Variants in PRMT8 observed in about 807,000 individuals in gnomAD.
PRMT8 encodes protein arginine methyltransferase 8, also known as protein arginine N-methyltransferase 8.
PRMT8 carries 7 observed loss-of-function variants against 47.1 expected under a neutral mutation model. The ratio of observed to expected loss-of-function variants is 0.15; its 90% CI spans 0.08 to 0.28. The LOEUF (loss-of-function observed/expected upper bound fraction) is 0.28, where lower values mean the gene tolerates loss of function less well. PRMT8 is among the 10% of genes least tolerant of loss of function. PRMT8 has a pLI of 1.00. For synonymous variants in PRMT8, 188 were observed against 186.5 expected, an observed-to-expected ratio of 1.01 and a Z score of -0.07; for missense variants, 237 against 505.4, an observed-to-expected ratio of 0.47 and a Z score of 5.09.
At chr12:3,381,442 T>C in exon 1 of PRMT8, 2 of 1,536,126 alleles carry the variant, frequency 1.3e-6, no homozygotes, top group Non-Finnish European at 1.7e-6. Context: ...AGGTTTCTTC[T>C]GTAAGTCAGC....
At chr12:3,418,648 C>T (rs1864507821) in intron 1 of PRMT8, among the ~76,000 whole-genome samples, 1 of 152,206 alleles carries the variant, frequency 6.6e-6, no homozygotes, top group African/African-American at 2.4e-5. Flanking sequence ...TAGTTGTCAA[C>T]TTTGACTCTA....
chr12:3,471,537 C>T (rs1865162407), intron 1 of PRMT8, among the ~76,000 whole-genome samples: 1 of 151,776 alleles, frequency 6.6e-6, no homozygotes, highest in South Asian at 2.1e-4. Context: ...CCCCATCTTC[C>T]CAGCACGATG....
intron 4 of PRMT8, among the ~76,000 whole-genome samples, chr12:3,554,101 C>T (rs1474951957): frequency 3.3e-5 from 5 of 152,206 alleles, no homozygotes; most frequent in Non-Finnish European, 7.3e-5. Flanking sequence ...ACCACCTGCC[C>T]AGGGGCATCA....
chr12:3,561,293 CG>C (rs532193430), intron 4 of PRMT8, among the ~76,000 whole-genome samples: 58 of 152,320 alleles, frequency 3.8e-4, no homozygotes, highest in African/African-American at 1.4e-3. Flanking sequence ...TGCCTGCCAG[CG>C]GTTGTGGAAA....
At chr12:3,518,692 G>A (rs981703930) in intron 1 of PRMT8, among the ~76,000 whole-genome samples, 5 of 152,022 alleles carry the variant, frequency 3.3e-5, no homozygotes, top group Non-Finnish European at 7.4e-5. Flanking sequence ...ACCCTAGAAA[G>A]CTAATAATAA....
intron 1 of PRMT8, among the ~76,000 whole-genome samples, chr12:3,397,796 G>A (rs1591538153): frequency 1.3e-5 from 2 of 152,116 alleles, no homozygotes; most frequent in Non-Finnish European, 2.9e-5. Flanking sequence ...AATGGCGGGC[G>A]CCCCTCCCCC....
At chr12:3,558,948 G>GGCTATCTACCTA (rs1276847106) in intron 4 of PRMT8, among the ~76,000 whole-genome samples, 41 of 112,698 alleles carry the variant, frequency 3.6e-4, no homozygotes, top group African/African-American at 1.7e-3. Flanking sequence ...ACATTTATCT[G>GGCTATCTACCTA]TCTATCTATC....
At chr12:3,485,339 TG>T (rs1255408144) in intron 1 of PRMT8, among the ~76,000 whole-genome samples, 1 of 152,146 alleles carries the variant, frequency 6.6e-6, no homozygotes, top group Non-Finnish European at 1.5e-5. Context: ...AGGGCGATGT[TG>T]GGTAGGAAAG....
In PRMT8 at chr12:3,514,211, C is replaced by CTT. The variant is rs377360240; in HGVS notation, c.75+22524_75+22525dup. ...TCTAGCCTCTCTGAATTCATCCTGC[C>CTT]TTTTTTTTTTTTTTCTGTTACCCCT... is the stretch of plus-strand genomic sequence containing the variant. On this transcript the variant is annotated intron_variant, in intron 1 of 9. Coordinates refer to ENST00000382622, the MANE Select transcript of PRMT8 (RefSeq NM_019854.5). The surrounding 1 kb of genome is among the most constrained non-coding windows in gnomAD (Gnocchi z 5.9). Among the ~76,000 whole-genome samples, 334 of 141,900 alleles carry CTT rather than the reference C, an allele frequency of 2.4e-3. 1 individual carries two copies. The highest frequency in any genetic ancestry group is 5.7e-3 in the African/African-American group (222 of 38,718). The allele number at this position is 141,900 out of a possible 152,430, so 93.1% of individuals were successfully genotyped here.
upstream of PRMT8, among the ~76,000 whole-genome samples, chr12:3,489,851 A>ACG (rs1475594436): frequency 4.0e-5 from 6 of 151,622 alleles, no homozygotes; most frequent in Non-Finnish European, 8.8e-5. Flanking sequence ...ACACACACAC[A>ACG]CACACACTCA....
At chr12:3,452,499 G>A (rs919561900) in intron 1 of PRMT8, among the ~76,000 whole-genome samples, 1 of 152,118 alleles carries the variant, frequency 6.6e-6, no homozygotes, top group Non-Finnish European at 1.5e-5. Flanking sequence ...CGGTCTCCTC[G>A]GAAGCTGCCC....
intron 1 of PRMT8, among the ~76,000 whole-genome samples, chr12:3,394,755 C>T (rs376691148): frequency 2.0e-5 from 3 of 151,658 alleles, no homozygotes; most frequent in Non-Finnish European, 4.4e-5. Flanking sequence ...TCCCTCTTTT[C>T]CTATTGATTG....
chr12:3,568,002 G>A (rs930449276), intron 4 of PRMT8, among the ~76,000 whole-genome samples: 1 of 151,804 alleles, frequency 6.6e-6, no homozygotes, highest in Non-Finnish European at 1.5e-5. Flanking sequence ...AACCTGGGAG[G>A]CGGAGGTTGT....
chr12:3,510,858 C>G (rs904496274), intron 1 of PRMT8, among the ~76,000 whole-genome samples: 2 of 152,210 alleles, frequency 1.3e-5, no homozygotes, highest in African/African-American at 4.8e-5. Flanking sequence ...CTATCCTGAG[C>G]CCCAAGGAGT....
At chr12:3,546,896 A>G (rs1866335911) in intron 2 of PRMT8, among the ~76,000 whole-genome samples, 1 of 152,242 alleles carries the variant, frequency 6.6e-6, no homozygotes, top group Non-Finnish European at 1.5e-5. Context: ...ATGAATATGC[A>G]ACAAAATATT....
intron 1 of PRMT8, chr12:3,469,191 CA>C: frequency 2.1e-6 from 1 of 485,654 alleles, no homozygotes; most frequent in Non-Finnish European, 4.1e-6. Context: ...CAATTCACAG[CA>C]AAGTAGTCAG....
intron 1 of PRMT8, among the ~76,000 whole-genome samples, chr12:3,420,796 G>A (rs940575422): frequency 1.3e-5 from 2 of 152,194 alleles, no homozygotes; most frequent in East Asian, 1.9e-4. Context: ...ACCAGAGTCC[G>A]TTTCTGTGGA....
In PRMT8 at chr12:3,469,305, G is replaced by A. The variant is rs11062663; in HGVS notation, c.49-71301G>A. The A allele has an allele frequency of 3.5e-3, 1,485 of 421,796 alleles. 29 individuals carry two copies. The East Asian group carries it at 0.06, about 17-fold the overall frequency. The allele number at this position is 421,796 out of a possible 1,614,324, so 26.1% of individuals were successfully genotyped here. ...CACCAAAGCCCATGTAAGGAGCTGA[G>A]TCCTTAAGATTGAAGGCAGTCTACT... On this transcript the variant is annotated intron_variant, in intron 1 of 9. Coordinates refer to the PRMT8 transcript ENST00000452611.
At chr12:3,387,164 A>G (rs376072168) in intron 1 of PRMT8, among the ~76,000 whole-genome samples, 1 of 152,266 alleles carries the variant, frequency 6.6e-6, no homozygotes, top group African/African-American at 2.4e-5. Flanking sequence ...TGCACTATAC[A>G]TGCAATAGGG....
Sources: allele counts gnomAD v4.1 joint callset (sites outside exome capture counted in the v4.1 genomes callset), GRCh38; gene constraint gnomAD v4.1.1; non-coding constraint Gnocchi (gnomAD v3.1); transcripts MANE v1.5; gene names NCBI Gene and HGNC (gene_info 2026-07-23, HGNC 2026-07-21).